The following ASB7 variants were observed in gnomAD, a reference collection of about 807,000 sequenced individuals.
ASB7 encodes ankyrin repeat and SOCS box containing 7.
ASB7 carries 4 observed loss-of-function variants against 32.5 expected under a neutral mutation model. That is an observed-to-expected ratio of 0.12 (90% CI 0.06 to 0.28). The LOEUF is 0.28. ASB7 is among the 10% of genes least tolerant of loss of function. The pLI is 1.00. For missense variants in ASB7, 181 were observed against 407.1 expected, an observed-to-expected ratio of 0.44 and a Z score of 4.78; for synonymous variants, 172 against 155.6, an observed-to-expected ratio of 1.11 and a Z score of -0.78.
chr15:100,619,300 A>T (rs181588710), intron 4 of ASB7, among the ~76,000 whole-genome samples: 3 of 152,354 alleles, frequency 2.0e-5, no homozygotes, highest in Non-Finnish European at 4.4e-5. Flanking sequence ...GTTCAGTAAG[A>T]TTGGAATATA....
At chr15:100,640,872 C>G (rs1250620439) in intron 5 of ASB7, among the ~76,000 whole-genome samples, 1 of 152,108 alleles carries the variant, frequency 6.6e-6, no homozygotes, top group African/African-American at 2.4e-5. Context: ...TATTTTATAC[C>G]AGCCCAATTA....
At chr15:100,613,100 A>T (rs2039710581) in intron 4 of ASB7, among the ~76,000 whole-genome samples, 1 of 152,088 alleles carries the variant, frequency 6.6e-6, no homozygotes, top group South Asian at 2.1e-4. Flanking sequence ...AGCCTACTTT[A>T]TTTTCCTAGA....
intron 5 of ASB7, among the ~76,000 whole-genome samples, chr15:100,642,575 C>G (rs1412675684): frequency 6.8e-6 from 1 of 147,422 alleles, no homozygotes; most frequent in African/African-American, 2.4e-5. Flanking sequence ...CCTCCCACTG[C>G]CTGGTACCAA....
rs1597014869 is a variant in ASB7, at chr15:100,648,713, A to G, written c.*251A>G. 3 of 345,830 alleles carry G rather than the reference A, an allele frequency of 8.7e-6. No homozygotes were observed. The highest frequency in any genetic ancestry group is 4.7e-5 in the Admixed American group (1 of 21,286). 21.4% of individuals were successfully genotyped at this position (345,830 alleles called of 1,614,324 possible). On this transcript the variant is annotated 3_prime_UTR_variant, in exon 6 of 6. Transcript: ENST00000332783. Reference sequence around the variant, plus strand: ...TCTTGGTCCAAGTTTAAGAGGTCCAAGCTTTGTATACAATACTGCATTTAG... The same window carrying G: ...TCTTGGTCCAAGTTTAAGAGGTCCAGGCTTTGTATACAATACTGCATTTAG...
At chr15:100,619,281 A>C (rs138127129) in intron 4 of ASB7, among the ~76,000 whole-genome samples, 305 of 152,334 alleles carry the variant, frequency 2.0e-3, no homozygotes, top group African/African-American at 7.0e-3. Flanking sequence ...GTTTTAGGAG[A>C]TGAAGAATGT....
intron 5 of ASB7, among the ~76,000 whole-genome samples, chr15:100,635,018 A>G (rs1012254129): frequency 6.6e-6 from 1 of 152,174 alleles, no homozygotes; most frequent in Non-Finnish European, 1.5e-5. Context: ...CTACCTGGGA[A>G]TTCCTTTCAC....
At chr15:100,619,586 G>A (rs912424442) in intron 4 of ASB7, among the ~76,000 whole-genome samples, 2 of 152,226 alleles carry the variant, frequency 1.3e-5, no homozygotes, top group African/African-American at 4.8e-5. Context: ...GCCAGATGCA[G>A]TTTAATAAAT....
intron 4 of ASB7, 43 bp downstream of exon 4, chr15:100,612,470 T>A: frequency 6.6e-7 from 1 of 1,519,014 alleles, no homozygotes; most frequent in Non-Finnish European, 9.1e-7. Flanking sequence ...TGGAGAAACA[T>A]AAATGATGTT....
intron 5 of ASB7, among the ~76,000 whole-genome samples, chr15:100,642,996 A>C (rs2039971893): frequency 6.6e-6 from 1 of 152,224 alleles, no homozygotes; most frequent in Non-Finnish European, 1.5e-5. Context: ...AGATTGTGCC[A>C]CTGCACTCCA....
intron 4 of ASB7, among the ~76,000 whole-genome samples, chr15:100,627,925 A>T (rs1189612334): frequency 6.6e-6 from 1 of 152,186 alleles, no homozygotes; most frequent in African/African-American, 2.4e-5. Flanking sequence ...GGCTTGAGTG[A>T]CTTAAGGGCT....
intron 4 of ASB7, among the ~76,000 whole-genome samples, chr15:100,628,713 C>T (rs2039861110): frequency 6.6e-6 from 1 of 152,082 alleles, no homozygotes; most frequent in Non-Finnish European, 1.5e-5. Flanking sequence ...TTTTTCCTTC[C>T]CCAGAGATCA....
chr15:100,610,214 G>T (rs1369891575), intron 3 of ASB7, among the ~76,000 whole-genome samples: 1 of 151,898 alleles, frequency 6.6e-6, no homozygotes, highest in Non-Finnish European at 1.5e-5. Flanking sequence ...CAATCTTGTG[G>T]CCGGGCGCAG....
chr15:100,635,241 A>G (rs1056567217), intron 5 of ASB7, among the ~76,000 whole-genome samples: 6 of 152,216 alleles, frequency 3.9e-5, no homozygotes, highest in African/African-American at 1.4e-4. Flanking sequence ...ACAGGATTTT[A>G]CAATTACCAT....
At chr15:100,614,039 G>A (rs993842019) in intron 4 of ASB7, among the ~76,000 whole-genome samples, 3 of 152,126 alleles carry the variant, frequency 2.0e-5, no homozygotes, top group African/African-American at 4.8e-5. Flanking sequence ...TTGGGAGGCC[G>A]AGGTGAGTGG....
intron 4 of ASB7, among the ~76,000 whole-genome samples, chr15:100,613,457 C>A (rs2039713917): frequency 6.6e-6 from 1 of 152,260 alleles, no homozygotes; most frequent in African/African-American, 2.4e-5. Context: ...GAAATGGGAA[C>A]TATGTGCCTG....
intron 5 of ASB7, among the ~76,000 whole-genome samples, chr15:100,643,575 T>C (rs1371051171): frequency 6.8e-6 from 1 of 146,126 alleles, no homozygotes; most frequent in African/African-American, 2.5e-5. Flanking sequence ...CTGCAACCTC[T>C]GCCTCCTGGG....
At chr15:100,610,629 A>G (rs375561192) in intron 3 of ASB7, among the ~76,000 whole-genome samples, 3 of 152,340 alleles carry the variant, frequency 2.0e-5, no homozygotes, top group South Asian at 4.1e-4. Flanking sequence ...ACCATTTTCT[A>G]TGTATAAAAC....
At chr15:100,632,259 C>T (rs2039889497) in intron 5 of ASB7, among the ~76,000 whole-genome samples, 1 of 152,192 alleles carries the variant, frequency 6.6e-6, no homozygotes, top group Non-Finnish European at 1.5e-5. Flanking sequence ...GCTGACTGCG[C>T]ACAGCGAGGG....
chr15:100,620,186 C>T (rs546918364), intron 4 of ASB7, among the ~76,000 whole-genome samples: 5 of 152,298 alleles, frequency 3.3e-5, no homozygotes, highest in Admixed American at 2.6e-4. Flanking sequence ...ATATAACCTA[C>T]GCATATCTTC....
Sources: allele counts gnomAD v4.1 joint callset (sites outside exome capture counted in the v4.1 genomes callset), GRCh38; gene constraint gnomAD v4.1.1; transcripts MANE v1.5; gene names NCBI Gene and HGNC (gene_info 2026-07-23, HGNC 2026-07-21).